Variants in SELENOI observed in about 807,000 individuals in gnomAD.
The protein encoded by SELENOI is ethanolaminephosphotransferase 1.
Under a neutral mutation model 50.7 loss-of-function variants are expected in SELENOI, and 24 were observed. That is an observed-to-expected ratio of 0.47 (90% CI 0.34 to 0.67). SELENOI has a LOEUF of 0.67. Ranked by LOEUF, SELENOI falls within the 30% of genes least tolerant of loss-of-function variation. The pLI is 0.01. For missense variants in SELENOI, 352 were observed against 461.4 expected (o/e 0.76, Z 2.17); for synonymous variants, 155 against 170.2 (o/e 0.91, Z 0.70).
intron 4 of SELENOI, 52 bp from the exon 5 acceptor site, chr2:26,373,315 C>T: frequency 6.5e-7 from 1 of 1,544,372 alleles, no homozygotes; most frequent in South Asian, 1.2e-5. Context: ...AGAAGACTTT[C>T]TCCATCCTGG....
Position 26,393,997 on chromosome 2 carries a change from T to C in SELENOI, c.*4894T>C, listed in dbSNP as rs1321488659. 6.6e-6 allele frequency: 1 copy of C among 152,252 alleles called. No individual in the cohort carries two copies. Among genetic ancestry groups the C allele is most frequent in the Admixed American group, 6.5e-5 (1 of 15,290 alleles). The allele number at this position is 152,252 out of a possible 1,614,324, so 9.4% of individuals were successfully genotyped here. On this transcript the variant is annotated 3_prime_UTR_variant, in exon 10 of 10. Transcript: ENST00000260585. ...TTCTGATATTCTTGACAAGCACTTT[T>C]TGAATATCTCAAGAGTAAGTTCTTG...
chr2:26,383,913 T>C (rs370622263), intron 7 of SELENOI, among the ~76,000 whole-genome samples: 129 of 152,214 alleles, frequency 8.5e-4, no homozygotes, highest in African/African-American at 3.0e-3. Flanking sequence ...AAATTCTGAA[T>C]GTGTGTAGTT....
In SELENOI at chr2:26,392,322, T is replaced by C. The variant is rs577039372; in HGVS notation, c.*3219T>C. On this transcript the variant is annotated 3_prime_UTR_variant, in exon 10 of 10. Transcript: ENST00000260585. ...AATTTGAAAGTTTCCTAAGTGTTGT[T>C]TTCAAAGAACTGGTTTATTTTATAG... 1 of 152,354 alleles carries C rather than the reference T, an allele frequency of 6.6e-6. No individual in the cohort carries two copies. The highest frequency in any genetic ancestry group is 2.1e-4 in the South Asian group (1 of 4,832). 9.4% of individuals were successfully genotyped at this position (152,354 alleles called of 1,614,324 possible).
intron 9 of SELENOI, among the ~76,000 whole-genome samples, chr2:26,387,410 G>A (rs1677866011): frequency 1.3e-5 from 2 of 152,028 alleles, no homozygotes; most frequent in Non-Finnish European, 2.9e-5. Flanking sequence ...ATTGCCCTAG[G>A]CTGGGTGTGG....
At chr2:26,373,952 A>G (rs985267643) in intron 5 of SELENOI, among the ~76,000 whole-genome samples, 1 of 152,002 alleles carries the variant, frequency 6.6e-6, no homozygotes, top group Non-Finnish European at 1.5e-5. Flanking sequence ...GGGTTTCACT[A>G]TGTTGGCTGG....
rs1004208090 is a variant in SELENOI, at chr2:26,390,513, G to A, written c.*1410G>A. 2.6e-5 allele frequency: 4 copies of A among 152,500 alleles called. No individual in the cohort carries two copies. Among genetic ancestry groups the A allele is most frequent in the Non-Finnish European group, 4.4e-5 (3 of 68,012 alleles). 9.4% of individuals were successfully genotyped at this position (152,500 alleles called of 1,614,324 possible). A position where few individuals can be genotyped will look rare whatever the true frequency, so the allele number is the denominator to read the frequency against. On this transcript the variant is annotated 3_prime_UTR_variant, in exon 10 of 10. Coordinates refer to ENST00000260585, the MANE Select transcript of SELENOI (RefSeq NM_033505.4). Reference sequence around the variant, plus strand: ...GACCATTGTTAAATTTAATTATAGTGTATTTCTTTCTTGAATTTCAGTCTG... The same window carrying A: ...GACCATTGTTAAATTTAATTATAGTATATTTCTTTCTTGAATTTCAGTCTG...
At position 26,346,178 on chromosome 2, in the gene SELENOI, C is replaced by T. The variant is rs753002479; in HGVS notation, c.-55C>T. The T allele has an allele frequency of 3.7e-6, 6 of 1,612,554 alleles. No homozygotes were observed. Among genetic ancestry groups the T allele is most frequent in the Middle Eastern group, 1.7e-4 (1 of 6,060 alleles). On this transcript the variant is annotated 5_prime_UTR_variant, in exon 1 of 10. Coordinates refer to ENST00000260585, the MANE Select transcript of SELENOI (RefSeq NM_033505.4). ...CCCAGCCGGTGTGGTGCTTGTGTGTCACAGCCTTGTAGCCGGGAGTCGCTG... is the reference window on the plus strand; with the variant it reads ...CCCAGCCGGTGTGGTGCTTGTGTGTTACAGCCTTGTAGCCGGGAGTCGCTG...
At chr2:26,370,838 C>T (rs1677412758) in intron 4 of SELENOI, among the ~76,000 whole-genome samples, 1 of 138,014 alleles carries the variant, frequency 7.2e-6, no homozygotes, top group Non-Finnish European at 1.6e-5. Context: ...GGGCTGACAC[C>T]CCCACCTCCC....
In SELENOI at chr2:26,386,336, T is replaced by G. The variant is rs77604836; in HGVS notation, c.913-18T>G. 12,447 of 1,589,120 alleles carry G rather than the reference T, an allele frequency of 7.8e-3. 265 individuals carry two copies. Among genetic ancestry groups the G allele is most frequent in the African/African-American group, 0.078 (5,715 of 73,224 alleles). ...ATTTTTCTTTTTTTCTCTCTTATTT[T>G]TTTAAATTGACGTCCAGTGTCAGCT... On this transcript the variant is annotated intron_variant, in intron 8 of 9. Transcript: ENST00000260585.
Position 26,367,171 on chromosome 2 carries a change from C to A in SELENOI, c.261C>A (p.Asp87Glu), listed in dbSNP as rs376457211. 6 of 1,611,018 alleles carry A rather than the reference C, an allele frequency of 3.7e-6. No individual in the cohort carries two copies. Among genetic ancestry groups the A allele is most frequent in the Non-Finnish European group, 5.1e-6 (6 of 1,178,604 alleles). The change falls in exon 4 of 10, where the codon GAC (aspartate) becomes GAA (glutamate). Residue 87 changes from aspartate to glutamate, a missense_variant. Coordinates refer to ENST00000260585, the MANE Select transcript of SELENOI (RefSeq NM_033505.4). ...ASAPGHKHVP[D>E]WVWIVVGILN... ...CACCAGGTCACAAGCACGTGCCTGA[C>A]TGGGTTTGGATTGTAGTGGGCATCC... is the stretch of plus-strand genomic sequence containing the variant.
intron 1 of SELENOI, among the ~76,000 whole-genome samples, chr2:26,351,076 T>C (rs1676949252): frequency 7.5e-6 from 1 of 133,370 alleles, no homozygotes; most frequent in Non-Finnish European, 1.7e-5. Flanking sequence ...TTTTTTTTTT[T>C]GAGACGGAGT....
chr2:26,349,308 C>CT (rs11434987), intron 1 of SELENOI, among the ~76,000 whole-genome samples: 4,091 of 115,276 alleles, frequency 0.035, 244 homozygotes, highest in South Asian at 0.098. Context: ...CCACACTTGT[C>CT]TTTTTTTTTT....
At position 26,391,259 on chromosome 2, in the gene SELENOI, A is replaced by T. The variant is rs995301800; in HGVS notation, c.*2156A>T. 6.6e-6 allele frequency: 1 copy of T among 152,264 alleles called. No individual in the cohort carries two copies. The highest frequency in any genetic ancestry group is 1.5e-5 in the Non-Finnish European group (1 of 68,038). 9.4% of individuals were successfully genotyped at this position (152,264 alleles called of 1,614,324 possible). A position where few individuals can be genotyped will look rare whatever the true frequency, so the allele number is the denominator to read the frequency against. On this transcript the variant is annotated 3_prime_UTR_variant, in exon 10 of 10. Coordinates refer to ENST00000260585, the MANE Select transcript of SELENOI (RefSeq NM_033505.4). ...TGACATTGTTAGATGAAAGAAAAGT[A>T]GCTGTCAACAAGGGGAAAGTGAAAT...
intron 4 of SELENOI, among the ~76,000 whole-genome samples, chr2:26,371,815 A>G (rs535458671): frequency 6.6e-6 from 1 of 152,152 alleles, no homozygotes; most frequent in African/African-American, 2.4e-5. Flanking sequence ...GCAGCAGTAT[A>G]GTCCAGCTTC....
chr2:26,386,465 G>T lies in SELENOI; in HGVS notation c.1024G>T (p.Val342Phe), dbSNP rs758350352. The T allele has an allele frequency of 4.3e-6, 7 of 1,613,694 alleles. No individual in the cohort carries two copies. Among genetic ancestry groups the T allele is most frequent in the Admixed American group, 3.3e-5 (2 of 59,988 alleles). ...GGTAAACCTAGGAGTAGCCTCTTAC[G>T]TTGAGAGCATTCTCCTGTATACATT... ...LVVNLGVASY[V>F]ESILLYTLTT... Residue 342 changes from valine to phenylalanine, a missense_variant, in exon 9 of 10, where the codon GTT becomes TTT. By Grantham distance (50) the Val-to-Phe change is conservative (BLOSUM62 -1). Transcript: ENST00000260585.
intron 1 of SELENOI, among the ~76,000 whole-genome samples, chr2:26,352,804 G>A (rs1676987978): frequency 1.4e-5 from 2 of 146,020 alleles, no homozygotes; most frequent in Non-Finnish European, 1.5e-5. Flanking sequence ...AAAAAAATTA[G>A]TGTCTTTCTC....
At chr2:26,348,563 T>C (rs554221070) in intron 1 of SELENOI, among the ~76,000 whole-genome samples, 22 of 152,366 alleles carry the variant, frequency 1.4e-4, no homozygotes, top group African/African-American at 4.1e-4. Context: ...TTCTGTGTTA[T>C]GTATTGACAC....
chr2:26,371,635 G>A (rs1163781173), intron 4 of SELENOI, among the ~76,000 whole-genome samples: 2 of 152,250 alleles, frequency 1.3e-5, no homozygotes, highest in African/African-American at 4.8e-5. Flanking sequence ...GAGGCTGGCG[G>A]ATCACTCGCG....
Position 26,388,883 on chromosome 2 carries a change from C to T in SELENOI, c.1096-122C>T, listed in dbSNP as rs913112093. On this transcript the variant is annotated intron_variant, in intron 9 of 9. Coordinates refer to ENST00000260585, the MANE Select transcript of SELENOI (RefSeq NM_033505.4). ...CTATCCTAATCCAGAAAAACCTTTT[C>T]AGTATTTCTCATGATTTTTGCCGTG... The T allele has an allele frequency of 1.5e-5, 11 of 733,194 alleles. No individual in the cohort carries two copies. The Admixed American group carries it at 1.7e-4, about 11-fold the overall frequency. 45.4% of individuals were successfully genotyped at this position (733,194 alleles called of 1,614,324 possible). A position where few individuals can be genotyped will look rare whatever the true frequency, so the allele number is the denominator to read the frequency against.
Sources: gnomAD v4.1 joint callset for allele counts (sites outside exome capture counted in the v4.1 genomes callset) on GRCh38, gnomAD v4.1.1 for gene constraint, MANE v1.5 for transcripts, NCBI Gene and HGNC (gene_info 2026-07-23, HGNC 2026-07-21) for gene names.